ZNF736: variants seen among roughly 807,000 people sequenced by gnomAD.
The protein encoded by ZNF736 is KRAB-containing zinc-finger repressor protein.
ZNF736 carries 6 observed loss-of-function variants against 11.7 expected under a neutral mutation model. The ratio of observed to expected loss-of-function variants is 0.51; its 90% confidence interval spans 0.28 to 1.01. The LOEUF is 1.01. Among genes scored for constraint, ZNF736 ranks in the 50% least tolerant of loss-of-function variants. ZNF736 has a pLI of 0.09. For synonymous variants in ZNF736, 139 were observed against 164.7 expected (o/e 0.84, Z 1.19); for missense variants, 444 against 496.0 (o/e 0.90, Z 1.00).
chr7:64,346,036 T>G (rs1789405908), intron 3 of ZNF736, among the ~76,000 whole-genome samples: 1 of 152,204 alleles, frequency 6.6e-6, no homozygotes, highest in South Asian at 2.1e-4. Flanking sequence ...TCTTGCTTTA[T>G]GTATTAGTGA....
At chr7:64,329,406 A>G (rs1218897218) in intron 1 of ZNF736, among the ~76,000 whole-genome samples, 1 of 152,100 alleles carries the variant, frequency 6.6e-6, no homozygotes, top group Non-Finnish European at 1.5e-5. Context: ...AGGCTTTCCA[A>G]GTATTCAAAG....
intron 3 of ZNF736, among the ~76,000 whole-genome samples, chr7:64,341,370 C>G (rs1389482319): frequency 6.6e-6 from 1 of 151,922 alleles, no homozygotes; most frequent in Admixed American, 6.6e-5. Flanking sequence ...AAACAGCCAT[C>G]TAATCTAATA....
chr7:64,323,857 C>T (rs1430155898), intron 1 of ZNF736, among the ~76,000 whole-genome samples: 2 of 152,122 alleles, frequency 1.3e-5, no homozygotes, highest in Non-Finnish European at 2.9e-5. Flanking sequence ...CAAACCTGCA[C>T]ATCCTGCATA....
intron 1 of ZNF736, among the ~76,000 whole-genome samples, chr7:64,316,012 C>T (rs941467956): frequency 1.3e-5 from 2 of 152,170 alleles, no homozygotes; most frequent in Admixed American, 6.5e-5. Flanking sequence ...TCTAGGCACG[C>T]GCGCCTTCCC....
chr7:64,341,715 A>G (rs970405355), intron 3 of ZNF736, among the ~76,000 whole-genome samples: 14 of 152,322 alleles, frequency 9.2e-5, no homozygotes, highest in African/African-American at 3.4e-4. Context: ...TGAGGATAAT[A>G]CTGGGAGTTG....
intron 1 of ZNF736, among the ~76,000 whole-genome samples, chr7:64,332,108 A>AAAGAAG (rs1447951838): frequency 6.6e-6 from 1 of 152,204 alleles, no homozygotes; most frequent in Non-Finnish European, 1.5e-5. Flanking sequence ...GGAGAAAAAG[A>AAAGAAG]AAGAAATGGC....
At chr7:64,337,236 A>T (rs2115934230) in intron 3 of ZNF736, 1 of 456,274 alleles carries the variant, frequency 2.2e-6, no homozygotes, top group Non-Finnish European at 3.9e-6. Context: ...TTTTGTTTTT[A>T]GTTTACAGCA....
At chr7:64,329,790 C>G (rs1260021560) in intron 1 of ZNF736, among the ~76,000 whole-genome samples, 1 of 152,194 alleles carries the variant, frequency 6.6e-6, no homozygotes, top group Non-Finnish European at 1.5e-5. Flanking sequence ...ACTCAAGACC[C>G]AAGTTCTCTT....
chr7:64,335,472 C>T (rs1278766285), intron 1 of ZNF736, among the ~76,000 whole-genome samples: 3 of 152,084 alleles, frequency 2.0e-5, no homozygotes, highest in African/African-American at 7.2e-5. Flanking sequence ...TTAATCAGCA[C>T]CTGATACAAA....
At chr7:64,338,888 A>C (rs1789297119) in intron 3 of ZNF736, among the ~76,000 whole-genome samples, 1 of 151,996 alleles carries the variant, frequency 6.6e-6, no homozygotes, top group African/African-American at 2.4e-5. Flanking sequence ...ACTATTAAAA[A>C]ATTTTTAAAA....
chr7:64,319,488 CCTT>C (rs1171913990), intron 1 of ZNF736, among the ~76,000 whole-genome samples: 5,042 of 75,162 alleles, frequency 0.067, 1,586 homozygotes, highest in African/African-American at 0.23. Context: ...ACATTTCTTC[CCTT>C]TTTTTTTTTT....
At chr7:64,345,114 C>T (rs534134598) in intron 3 of ZNF736, among the ~76,000 whole-genome samples, 3 of 151,854 alleles carry the variant, frequency 2.0e-5, no homozygotes, top group South Asian at 2.1e-4. Context: ...AGCTCTGCCT[C>T]CCTGGTTCAC....
At chr7:64,331,384 G>T (rs1351905893) in intron 1 of ZNF736, among the ~76,000 whole-genome samples, 1 of 152,172 alleles carries the variant, frequency 6.6e-6, no homozygotes, top group African/African-American at 2.4e-5. Flanking sequence ...TCTCCCTTCT[G>T]TAAGCACATG....
At chr7:64,337,134 C>T (rs1253545516) in intron 3 of ZNF736, 152 bp downstream of exon 3, 11 of 685,718 alleles carry the variant, frequency 1.6e-5, no homozygotes, top group Non-Finnish European at 1.5e-5. Context: ...AACATAGGGA[C>T]ATTTTTTGTC....
At position 64,350,593 on chromosome 7, in the gene ZNF736, T is replaced by G. The variant is rs1435693136; in HGVS notation, c.*1446T>G. 9 of 152,172 alleles carry G rather than the reference T, an allele frequency of 5.9e-5. No homozygotes were observed. The highest frequency in any genetic ancestry group is 1.5e-5 in the Non-Finnish European group (1 of 68,020). The allele number at this position is 152,172 out of a possible 1,614,324, so 9.4% of individuals were successfully genotyped here. ...AATTTGGTCATTTGGATGAAAGAAGTCACTCTGGCTTTTTGTGTTTTTATC... is the reference window on the plus strand; with the variant it reads ...AATTTGGTCATTTGGATGAAAGAAGGCACTCTGGCTTTTTGTGTTTTTATC... On this transcript the variant is annotated 3_prime_UTR_variant, in exon 4 of 4. Coordinates refer to ENST00000423484, the MANE Select transcript of ZNF736 (RefSeq NM_001170905.3).
intron 1 of ZNF736, among the ~76,000 whole-genome samples, chr7:64,331,702 T>C (rs1485958820): frequency 6.6e-6 from 1 of 152,200 alleles, no homozygotes; most frequent in Admixed American, 6.5e-5. Flanking sequence ...CCGGGGTCAA[T>C]CACGAGCGCT....
At chr7:64,319,340 T>C (rs1788966614) in intron 1 of ZNF736, among the ~76,000 whole-genome samples, 1 of 70,962 alleles carries the variant, frequency 1.4e-5, no homozygotes, top group Non-Finnish European at 2.6e-5. Context: ...TGTGTATATA[T>C]ATATATATAT....
Position 64,356,193 on chromosome 7 carries a change from T to G in ZNF736, c.*7046T>G, listed in dbSNP as rs1789551750. On this transcript the variant is annotated 3_prime_UTR_variant, in exon 4 of 4. Coordinates refer to ENST00000423484, the MANE Select transcript of ZNF736 (RefSeq NM_001170905.3). ...TTAAAATCTGTTCATTATCAGATGC[T>G]GAAAGATAAAGAGCAAGTAAATGAA... The G allele has an allele frequency of 6.6e-6, 1 of 152,246 alleles. No homozygotes were observed. Among genetic ancestry groups the G allele is most frequent in the African/African-American group, 2.4e-5 (1 of 41,464 alleles). 9.4% of individuals were successfully genotyped at this position (152,246 alleles called of 1,614,324 possible).
At position 64,353,185 on chromosome 7, in the gene ZNF736, G is replaced by A. The variant is rs1471062073; in HGVS notation, c.*4038G>A. ...CACCTGAAGGTTGCAGAGATCTGTG[G>A]GAGAATCATGGGTTTCTAGGGTCAC... On this transcript the variant is annotated 3_prime_UTR_variant, in exon 4 of 4. Transcript: ENST00000423484. 1 of 152,194 alleles carries A rather than the reference G, an allele frequency of 6.6e-6. No individual in the cohort carries two copies. The highest frequency in any genetic ancestry group is 1.5e-5 in the Non-Finnish European group (1 of 68,046). The allele number at this position is 152,194 out of a possible 1,614,324, so 9.4% of individuals were successfully genotyped here. A position where few individuals can be genotyped will look rare whatever the true frequency, so the allele number is the denominator to read the frequency against.
Sources: gnomAD v4.1 joint callset for allele counts (sites outside exome capture counted in the v4.1 genomes callset) on GRCh38, gnomAD v4.1.1 for gene constraint, MANE v1.5 for transcripts, NCBI Gene and HGNC (gene_info 2026-07-23, HGNC 2026-07-21) for gene names.